The following GMDS variants were observed in gnomAD, a reference collection of about 807,000 sequenced individuals.
The protein encoded by GMDS is GDP-mannose 4,6-dehydratase.
In GMDS, 20 loss-of-function variants were observed where a neutral mutation model predicts 49.9. That is an observed-to-expected ratio of 0.40 (90% CI 0.28 to 0.58). The LOEUF (loss-of-function observed/expected upper bound fraction) is 0.58. Among genes scored for constraint, GMDS ranks in the 20% least tolerant of loss-of-function variants. GMDS has a pLI of 0.42. For missense variants in GMDS, 362 were observed against 481.4 expected (o/e 0.75, Z 2.32); for synonymous variants, 177 against 178.6 (o/e 0.99, Z 0.07).
chr6:2,040,297 T>C (rs1204328687), intron 4 of GMDS, among the ~76,000 whole-genome samples: 1 of 152,214 alleles, frequency 6.6e-6, no homozygotes, highest in African/African-American at 2.4e-5. Flanking sequence ...CATTCATCAA[T>C]GTTGATCAGC....
intron 4 of GMDS, among the ~76,000 whole-genome samples, chr6:1,988,468 G>A (rs370445237): frequency 6.6e-6 from 1 of 152,106 alleles, no homozygotes; most frequent in African/African-American, 2.4e-5. Flanking sequence ...CTTGGCGGTG[G>A]GGGCGAGGGG....
chr6:1,709,415 C>T (rs1025776894), intron 9 of GMDS, among the ~76,000 whole-genome samples: 2 of 152,202 alleles, frequency 1.3e-5, no homozygotes, highest in Non-Finnish European at 2.9e-5. Context: ...GCAAGTCACT[C>T]GGCTTCCTGG....
At chr6:2,147,606 C>A (rs900546559) in intron 1 of GMDS, among the ~76,000 whole-genome samples, 2 of 151,888 alleles carry the variant, frequency 1.3e-5, no homozygotes, top group Admixed American at 6.6e-5. Context: ...CAGATCATCA[C>A]TCTAGAGTCC....
At chr6:1,899,738 T>C (rs1489116265) in intron 7 of GMDS, among the ~76,000 whole-genome samples, 1 of 152,214 alleles carries the variant, frequency 6.6e-6, no homozygotes, top group Non-Finnish European at 1.5e-5. Flanking sequence ...ATTTGGAATT[T>C]GGCAGTGAAG....
intron 7 of GMDS, among the ~76,000 whole-genome samples, chr6:1,906,981 TC>T (rs1294915929): frequency 2.6e-5 from 4 of 152,138 alleles, no homozygotes; most frequent in Non-Finnish European, 5.9e-5. Flanking sequence ...TGGCACATGT[TC>T]CTCTCCCAGA....
intron 7 of GMDS, among the ~76,000 whole-genome samples, chr6:1,878,314 C>CAAA (rs11463549): frequency 1.2e-3 from 88 of 72,396 alleles, no homozygotes; most frequent in Middle Eastern, 8.6e-3. Context: ...GAATCCATCT[C>CAAA]AAAAAAAAAA....
At chr6:1,957,780 CT>C (rs1335491314) in intron 6 of GMDS, among the ~76,000 whole-genome samples, 1 of 152,090 alleles carries the variant, frequency 6.6e-6, no homozygotes, top group South Asian at 2.1e-4. Flanking sequence ...AGACGTGTTA[CT>C]TTTAGAACAT....
chr6:2,037,338 G>A (rs538025776), intron 4 of GMDS, among the ~76,000 whole-genome samples: 103 of 152,322 alleles, frequency 6.8e-4, no homozygotes, highest in African/African-American at 2.5e-3. Flanking sequence ...ACACGACGTT[G>A]TTGTAACCAG....
At chr6:2,059,175 CAAAAAAAAAAAAA>C (rs55832305) in intron 4 of GMDS, among the ~76,000 whole-genome samples, 23 of 30,018 alleles carry the variant, frequency 7.7e-4, no homozygotes, top group East Asian at 3.7e-3. Context: ...TCCTCTGTCT[CAAAAAAAAAAAAA>C]AAAAAAAAAA....
At chr6:2,112,299 T>A (rs1297018748) in intron 4 of GMDS, among the ~76,000 whole-genome samples, 1 of 152,198 alleles carries the variant, frequency 6.6e-6, no homozygotes, top group East Asian at 1.9e-4. Flanking sequence ...GCTCATTAAG[T>A]CATTAACTAG....
intron 1 of GMDS, among the ~76,000 whole-genome samples, chr6:2,207,849 G>A (rs1779873905): frequency 6.6e-6 from 1 of 151,842 alleles, no homozygotes; most frequent in Admixed American, 6.6e-5. Context: ...ATAACTAAGG[G>A]ACACAGTAAA....
chr6:2,177,631 T>G (rs1261472462), intron 1 of GMDS, among the ~76,000 whole-genome samples: 1 of 152,098 alleles, frequency 6.6e-6, no homozygotes, highest in Non-Finnish European at 1.5e-5. Flanking sequence ...AAGTTTTCGA[T>G]AAAATCCAAC....
intron 7 of GMDS, among the ~76,000 whole-genome samples, chr6:1,747,509 CTTAT>C (rs1313886559): frequency 1.3e-5 from 2 of 150,808 alleles, no homozygotes; most frequent in African/African-American, 4.9e-5. Context: ...CACACACACA[CTTAT>C]GTATGTATAC....
At chr6:2,187,119 C>T (rs933137786) in intron 1 of GMDS, among the ~76,000 whole-genome samples, 1 of 152,116 alleles carries the variant, frequency 6.6e-6, no homozygotes, top group African/African-American at 2.4e-5. Context: ...GCAAAGTTCA[C>T]AAAAGAAATG....
chr6:1,914,127 GTTTGTT>G (rs1322027808), intron 7 of GMDS, among the ~76,000 whole-genome samples: 3 of 50,022 alleles, frequency 6.0e-5, no homozygotes, highest in African/African-American at 2.8e-4. Flanking sequence ...AGCGTTTTTT[GTTTGTT>G]TTTTTTTTTT....
intron 4 of GMDS, among the ~76,000 whole-genome samples, chr6:2,061,199 G>A (rs558275597): frequency 6.6e-6 from 1 of 152,146 alleles, no homozygotes; most frequent in East Asian, 1.9e-4. Context: ...AACGAAGGTG[G>A]AACCAGACCC....
intron 7 of GMDS, among the ~76,000 whole-genome samples, chr6:1,843,953 G>A (rs565518680): frequency 1.3e-5 from 2 of 152,260 alleles, no homozygotes; most frequent in South Asian, 4.1e-4. Flanking sequence ...TGTGGTGTCG[G>A]CTTGTCGGCA....
intron 8 of GMDS, among the ~76,000 whole-genome samples, chr6:1,728,793 C>G (rs1168813498): frequency 1.3e-5 from 2 of 152,178 alleles, no homozygotes. Context: ...TAAAGCTTCA[C>G]AGATCACATA....
rs77688937 is a variant in GMDS at position 1,812,590 on chromosome 6, A to G, written c.772-70004T>C. Reference sequence around the variant, plus strand: ...AAGGGGACACAGAGGAGAAGCCACAAAAGGAAGGGAGCAGGTCAGAGACAC... The same window carrying G: ...AAGGGGACACAGAGGAGAAGCCACAGAAGGAAGGGAGCAGGTCAGAGACAC... On this transcript the variant is annotated intron_variant, in intron 7 of 10. Coordinates refer to ENST00000380815, the MANE Select transcript of GMDS (RefSeq NM_001500.4). Among the ~76,000 whole-genome samples the G allele has an allele frequency of 4.8e-3, 734 of 152,214 alleles. 11 individuals carry two copies. Among genetic ancestry groups the G allele is most frequent in the African/African-American group, 0.017 (711 of 41,516 alleles).
Sources: allele counts gnomAD v4.1 joint callset (sites outside exome capture counted in the v4.1 genomes callset), GRCh38; gene constraint gnomAD v4.1.1; transcripts MANE v1.5; gene names NCBI Gene and HGNC (gene_info 2026-07-23, HGNC 2026-07-21).